VPS13B: variants seen among roughly 807,000 people sequenced by gnomAD.
The protein encoded by VPS13B is intermembrane lipid transfer protein VPS13B.
Under a neutral mutation model 426.4 loss-of-function variants are expected in VPS13B, and 285 were observed. The ratio of observed to expected loss-of-function variants is 0.67; its 90% CI spans 0.61 to 0.74. VPS13B has a LOEUF of 0.74. Among genes scored for constraint, VPS13B ranks in the 30% least tolerant of loss-of-function variants. The probability of loss-of-function intolerance (pLI) is 0.00; values close to 1 mark genes in which losing one functional copy is unlikely to be tolerated. For synonymous variants in VPS13B, 1,676 were observed against 1,676.4 expected (o/e 1.00, Z 0.01); for missense variants, 4,537 against 4,782.6 (o/e 0.95, Z 1.51).
intron 23 of VPS13B, among the ~76,000 whole-genome samples, chr8:99,466,303 T>C (rs1482522174): frequency 6.6e-6 from 1 of 152,172 alleles, no homozygotes; most frequent in Non-Finnish European, 1.5e-5. Context: ...ATCTGCAGTA[T>C]GGCATCTATT....
chr8:99,158,257 G>C (rs368942955), intron 15 of VPS13B, among the ~76,000 whole-genome samples: 2 of 152,168 alleles, frequency 1.3e-5, no homozygotes, highest in African/African-American at 4.8e-5. Context: ...AAAGGCGGCC[G>C]GGCACGGTGG....
intron 39 of VPS13B, among the ~76,000 whole-genome samples, chr8:99,739,820 GTAC>G (rs1809597423): frequency 6.6e-6 from 1 of 152,162 alleles, no homozygotes; most frequent in Non-Finnish European, 1.5e-5. Context: ...AACCCCATCT[GTAC>G]GTCACCAAAA....
intron 40 of VPS13B, among the ~76,000 whole-genome samples, chr8:99,774,696 A>G (rs999569074): frequency 6.6e-6 from 1 of 152,236 alleles, no homozygotes; most frequent in Non-Finnish European, 1.5e-5. Flanking sequence ...TATAAGGGAA[A>G]GAGTTCAAAT....
intron 54 of VPS13B, among the ~76,000 whole-genome samples, chr8:99,837,949 T>C (rs1399129088): frequency 6.6e-6 from 1 of 152,226 alleles, no homozygotes; most frequent in Admixed American, 6.5e-5. Flanking sequence ...AAAACTCCTT[T>C]AACTTTTTTC....
chr8:99,423,816 T>G (rs912705531), intron 21 of VPS13B, among the ~76,000 whole-genome samples: 2 of 152,008 alleles, frequency 1.3e-5, no homozygotes, highest in African/African-American at 4.8e-5. Context: ...TGTTGAGGAG[T>G]GCTTTACTTC....
At chr8:99,550,474 T>G (rs1824222655) in intron 30 of VPS13B, among the ~76,000 whole-genome samples, 1 of 151,884 alleles carries the variant, frequency 6.6e-6, no homozygotes, top group African/African-American at 2.4e-5. Context: ...TATTTAATCT[T>G]CACAACATCC....
intron 3 of VPS13B, among the ~76,000 whole-genome samples, chr8:99,043,031 T>C (rs1204549257): frequency 2.0e-5 from 3 of 152,240 alleles, no homozygotes; most frequent in Admixed American, 1.3e-4. Flanking sequence ...TTTTCCACTG[T>C]AGAGCAGGGA....
intron 36 of VPS13B, among the ~76,000 whole-genome samples, chr8:99,708,817 CTCTCTCTCTCTG>C (rs1832592851): frequency 6.9e-6 from 1 of 144,430 alleles, no homozygotes; most frequent in Non-Finnish European, 1.5e-5. Context: ...AATAGGTTCT[CTCTCTCTCTCTG>C]TCTCTCTCTC....
intron 5 of VPS13B, among the ~76,000 whole-genome samples, chr8:99,108,090 C>T (rs1268778258): frequency 6.6e-6 from 1 of 152,200 alleles, no homozygotes; most frequent in Non-Finnish European, 1.5e-5. Context: ...TAATTGAGAA[C>T]ATGCAGTGTT....
intron 17 of VPS13B, among the ~76,000 whole-genome samples, chr8:99,266,424 A>C (rs917012447): frequency 7.2e-5 from 11 of 152,072 alleles, no homozygotes; most frequent in African/African-American, 2.4e-4. Flanking sequence ...AAAAAAAAGA[A>C]AAAAAAATAG....
At chr8:99,390,670 G>C (rs999607664) in intron 20 of VPS13B, among the ~76,000 whole-genome samples, 2 of 152,156 alleles carry the variant, frequency 1.3e-5, no homozygotes, top group African/African-American at 4.8e-5. Context: ...TTCACCATCT[G>C]ATACAGCTGT....
At chr8:99,244,973 T>C (rs142888549) in intron 17 of VPS13B, among the ~76,000 whole-genome samples, 1 of 152,306 alleles carries the variant, frequency 6.6e-6, no homozygotes, top group East Asian at 1.9e-4. Flanking sequence ...TTCTTTGTTA[T>C]CTACCAGAGC....
intron 43 of VPS13B, chr8:99,799,161 C>T (rs1232499745): frequency 6.6e-6 from 1 of 152,170 alleles, no homozygotes; most frequent in Non-Finnish European, 1.5e-5. Context: ...TGGCCAAGCC[C>T]ACTGAGTGTC....
intron 21 of VPS13B, among the ~76,000 whole-genome samples, chr8:99,411,444 T>C (rs1214473580): frequency 6.6e-6 from 1 of 152,214 alleles, no homozygotes; most frequent in East Asian, 1.9e-4. Flanking sequence ...TTAAGTTCTT[T>C]GTAAATTCTG....
At chr8:99,747,635 A>G (rs566444802) in intron 39 of VPS13B, among the ~76,000 whole-genome samples, 1 of 152,182 alleles carries the variant, frequency 6.6e-6, no homozygotes, top group East Asian at 1.9e-4. Flanking sequence ...ATATGGCAAA[A>G]ATGTTTATAC....
intron 56 of VPS13B, among the ~76,000 whole-genome samples, chr8:99,857,256 C>T (rs1038212770): frequency 4.6e-5 from 7 of 152,184 alleles, no homozygotes; most frequent in African/African-American, 1.2e-4. Flanking sequence ...GAGGCCGAGG[C>T]GGATTCCCAC....
chr8:99,860,082 A>G (rs1816759477), intron 57 of VPS13B, among the ~76,000 whole-genome samples: 2 of 152,198 alleles, frequency 1.3e-5, no homozygotes, highest in African/African-American at 4.8e-5. Flanking sequence ...AGACTTGGGA[A>G]CTAACAAGGG....
In VPS13B at chr8:99,374,563, C is replaced by CT. The variant is rs541331490; in HGVS notation, c.2825-9639dup. On this transcript the variant is annotated intron_variant, in intron 19 of 61. Coordinates refer to ENST00000357162, the MANE Select transcript of VPS13B (RefSeq NM_152564.5). ...TTTTATAATGAGTCATTTCTTCTGG[C>CT]TTTTTTATATTTCACAGTAGTTTTT... 1.5e-4 allele frequency among the ~76,000 whole-genome samples: 23 copies of CT among 151,998 alleles called. No homozygotes were observed. The South Asian group carries it at 3.7e-3, about 25-fold the overall frequency.
intron 19 of VPS13B, among the ~76,000 whole-genome samples, chr8:99,367,453 A>AT (rs1473795001): frequency 2.0e-5 from 3 of 152,044 alleles, no homozygotes; most frequent in Admixed American, 6.5e-5. Context: ...TAAGAGTTTG[A>AT]TTAAATTTCA....
Sources: allele counts gnomAD v4.1 joint callset (sites outside exome capture counted in the v4.1 genomes callset), GRCh38; gene constraint gnomAD v4.1.1; transcripts MANE v1.5; gene names NCBI Gene and HGNC (gene_info 2026-07-23, HGNC 2026-07-21).